The following IQCM variants were observed in gnomAD, a reference collection of about 807,000 sequenced individuals.
IQCM encodes IQ domain-containing protein M.
In IQCM, 45 loss-of-function variants were observed where a neutral mutation model predicts 57.6. That is an observed-to-expected ratio of 0.78 (90% CI 0.62 to 1.00). IQCM has a LOEUF of 1.00. Among genes scored for constraint, IQCM ranks in the 50% least tolerant of loss-of-function variants. The pLI is 0.00. For missense variants in IQCM, 468 were observed against 511.6 expected (o/e 0.91, Z 0.82); for synonymous variants, 148 against 158.9 (o/e 0.93, Z 0.51).
At chr4:149,466,185 A>G (rs1445792949) in intron 12 of IQCM, among the ~76,000 whole-genome samples, 2 of 152,100 alleles carry the variant, frequency 1.3e-5, no homozygotes, top group Non-Finnish European at 2.9e-5. Flanking sequence ...ACACATCACT[A>G]CTCTTATTTG....
At chr4:149,466,972 T>C (rs1404865363) in intron 12 of IQCM, among the ~76,000 whole-genome samples, 1 of 152,156 alleles carries the variant, frequency 6.6e-6, no homozygotes, top group African/African-American at 2.4e-5. Context: ...GCCGGGGCCC[T>C]CATGACCTAA....
chr4:149,682,182 A>G lies in IQCM; in HGVS notation c.501T>C (p.Tyr167=). The G allele has an allele frequency of 4.1e-6, 5 of 1,224,290 alleles. No individual in the cohort carries two copies. Among genetic ancestry groups the G allele is most frequent in the Non-Finnish European group, 5.1e-6 (5 of 981,354 alleles). 75.8% of individuals were successfully genotyped at this position (1,224,290 alleles called of 1,614,324 possible). A position where few individuals can be genotyped will look rare whatever the true frequency, so the allele number is the denominator to read the frequency against. ...ESRNRMLELL[Y]PFPVHLYLQP... ...GTAAGTAAAGATGGACAGGAAAGGG[A>G]TAGAGTAATTCCAACATTCTGTTTC... Residue 167 remains tyrosine, a synonymous_variant, in exon 7 of 14, where the codon TAT becomes TAC. Coordinates refer to ENST00000636793, the MANE Select transcript of IQCM (RefSeq NM_001363507.2).
chr4:149,368,867 CATATATACACGTGTATATAT>C (rs1730087583), intron 13 of IQCM, among the ~76,000 whole-genome samples: 1 of 49,124 alleles, frequency 2.0e-5, no homozygotes, highest in Non-Finnish European at 4.1e-5. Context: ...TATATATATA[CATATATACACGTGTATATAT>C]ATGTATATAT....
intron 7 of IQCM, among the ~76,000 whole-genome samples, chr4:149,680,428 A>G (rs1231497350): frequency 1.3e-5 from 2 of 151,378 alleles, no homozygotes; most frequent in African/African-American, 4.8e-5. Context: ...TGTAAAAAAT[A>G]GTATCTAGTA....
rs1319457598 is a variant in IQCM, at chr4:149,548,570, A to C, written c.1113T>G (p.Ala371=). The change falls in exon 12 of 14, where the codon GCT becomes GCG. Residue 371 remains alanine (A), a synonymous_variant. Coordinates refer to ENST00000636793, the MANE Select transcript of IQCM (RefSeq NM_001363507.2). The stretch of plus-strand genomic sequence containing the variant: ...CAATTTTTGGCCAATCTTCCCTCTT[A>C]GCAAACATTATTTCATAGACTAAAA... ...DRKKFYEIMF[A]KREDWPKIER... 8.2e-7 allele frequency: 1 copy of C among 1,226,010 alleles called. No homozygotes were observed. The highest frequency in any genetic ancestry group is 3.2e-5 in the East Asian group (1 of 31,628). 75.9% of individuals were successfully genotyped at this position (1,226,010 alleles called of 1,614,324 possible).
At chr4:149,648,288 T>G (rs1419611682) in intron 7 of IQCM, among the ~76,000 whole-genome samples, 1 of 152,160 alleles carries the variant, frequency 6.6e-6, no homozygotes, top group African/African-American at 2.4e-5. Context: ...ACTCCTTATT[T>G]GTCATTGTCT....
chr4:149,473,820 T>C (rs1293127790), intron 12 of IQCM, among the ~76,000 whole-genome samples: 1 of 152,190 alleles, frequency 6.6e-6, no homozygotes, highest in Non-Finnish European at 1.5e-5. Flanking sequence ...TTCATGTCCT[T>C]TGTAGGGACA....
intron 12 of IQCM, among the ~76,000 whole-genome samples, chr4:149,468,172 C>T (rs953495494): frequency 1.7e-4 from 26 of 152,070 alleles, no homozygotes; most frequent in African/African-American, 3.6e-4. Flanking sequence ...TGGAGCTGGG[C>T]GGGGCATCGC....
intron 5 of IQCM, among the ~76,000 whole-genome samples, chr4:149,715,438 C>A (rs545357181): frequency 1.4e-3 from 210 of 152,302 alleles, no homozygotes; most frequent in African/African-American, 4.9e-3. Context: ...CCCCTGGAAT[C>A]TTGGAGATGC....
chr4:149,452,402 A>G (rs1331502466), intron 12 of IQCM, among the ~76,000 whole-genome samples: 1 of 151,564 alleles, frequency 6.6e-6, no homozygotes, highest in East Asian at 1.9e-4. Flanking sequence ...TTTGAAAAAA[A>G]AAATGAAGAA....
At chr4:149,577,144 T>G (rs1165844907) in intron 9 of IQCM, among the ~76,000 whole-genome samples, 1 of 152,048 alleles carries the variant, frequency 6.6e-6, no homozygotes, top group Non-Finnish European at 1.5e-5. Flanking sequence ...CTCTGTCAGA[T>G]GCATAGTTTG....
intron 13 of IQCM, among the ~76,000 whole-genome samples, chr4:149,413,269 C>A (rs1026605657): frequency 3.3e-5 from 5 of 152,140 alleles, no homozygotes; most frequent in Admixed American, 2.6e-4. Context: ...ATGCTGAAAT[C>A]AGCTTTGCCT....
intron 3 of IQCM, among the ~76,000 whole-genome samples, chr4:149,738,552 G>A (rs1240111280): frequency 6.6e-6 from 1 of 152,102 alleles, no homozygotes; most frequent in Non-Finnish European, 1.5e-5. Flanking sequence ...GGCCTTGCTG[G>A]GGCCAGAAAG....
At chr4:149,629,619 G>A (rs1757088187) in intron 7 of IQCM, among the ~76,000 whole-genome samples, 1 of 151,792 alleles carries the variant, frequency 6.6e-6, no homozygotes, top group East Asian at 1.9e-4. Flanking sequence ...ATACTAGATG[G>A]CTGTCATGAT....
chr4:149,610,411 A>G (rs1487446421), intron 8 of IQCM, among the ~76,000 whole-genome samples: 10 of 152,082 alleles, frequency 6.6e-5, no homozygotes, highest in Admixed American at 6.6e-4. Flanking sequence ...GACCCTGAAT[A>G]GCCAAAGCAA....
chr4:149,744,446 G>T (rs1767738230), intron 2 of IQCM, among the ~76,000 whole-genome samples: 1 of 152,000 alleles, frequency 6.6e-6, no homozygotes, highest in Non-Finnish European at 1.5e-5. Flanking sequence ...CTCTTCTCTG[G>T]GTCTGTTGGC....
chr4:149,794,221 C>T (rs1441567444), intron 2 of IQCM, among the ~76,000 whole-genome samples: 1 of 151,940 alleles, frequency 6.6e-6, no homozygotes, highest in Non-Finnish European at 1.5e-5. Flanking sequence ...CATTAAAGTA[C>T]TGACTACTGA....
At chr4:149,766,550 C>T (rs1770076496) in intron 2 of IQCM, among the ~76,000 whole-genome samples, 1 of 152,084 alleles carries the variant, frequency 6.6e-6, no homozygotes, top group African/African-American at 2.4e-5. Context: ...CTCTCCAGTC[C>T]TTCCTCAGAG....
intron 12 of IQCM, among the ~76,000 whole-genome samples, chr4:149,546,890 T>C (rs1375105467): frequency 3.3e-5 from 5 of 152,198 alleles, no homozygotes; most frequent in Non-Finnish European, 5.9e-5. Context: ...CATGAAGTCC[T>C]TGCCCATGCC....
Sources: gnomAD v4.1 joint callset for allele counts (sites outside exome capture counted in the v4.1 genomes callset) on GRCh38, gnomAD v4.1.1 for gene constraint, MANE v1.5 for transcripts, NCBI Gene and HGNC (gene_info 2026-07-23, HGNC 2026-07-21) for gene names.